FLNA: variants seen among roughly 807,000 people sequenced by gnomAD.
FLNA encodes filamin A, also known as filamin-A.
In FLNA, 7 loss-of-function variants were observed where a neutral mutation model predicts 157.6. The observed-to-expected ratio is 0.04, with a 90% CI of 0.03 to 0.08. The LOEUF (loss-of-function observed/expected upper bound fraction) is 0.08. Among genes scored for constraint, FLNA ranks in the 10% least tolerant of loss-of-function variants. The pLI is 1.00. For missense variants in FLNA, 1,750 were observed against 2,398.4 expected (o/e 0.73, Z 5.65); for synonymous variants, 1,103 against 1,060.8 (o/e 1.04, Z -0.77).
In FLNA at chrX:154,352,626, G is replaced by A; in HGVS notation, c.6429C>T (p.Ser2143=). ...KVTGEGRVKE[S]ITRRRRAPSV... is the part of the protein sequence containing the mutation. ...AAGGAGCCCGACGCCTGCGGGTGATGCTCTCTTTCACCCGGCCCTCGCCTG... is the reference window on the plus strand; with the variant it reads ...AAGGAGCCCGACGCCTGCGGGTGATACTCTCTTTCACCCGGCCCTCGCCTG... The change falls in exon 40 of 48, where the codon AGC becomes AGT. Residue 2143 remains serine (S), a synonymous_variant. Transcript: ENST00000369850. 1 of 1,211,437 alleles carries A rather than the reference G, an allele frequency of 8.3e-7. No individual in the cohort carries two copies. Among genetic ancestry groups the A allele is most frequent in the South Asian group, 1.8e-5 (1 of 57,052 alleles).
Position 154,357,275 on chromosome X carries a change from CTG to C in FLNA, c.4946-3_4946-2del. On this transcript the variant is annotated splice_acceptor_variant and splice_polypyrimidine_tract_variant and intron_variant, in intron 29 of 47. Coordinates refer to ENST00000369850, the MANE Select transcript of FLNA (RefSeq NM_001110556.2). LOFTEE classifies it high-confidence loss of function. ...CCTAGCCCGTGACCTCCGATTGACA[CTG>C]AGGTGAGAGGGCAGAGAGCAAGGAG... is the stretch of plus-strand genomic sequence containing the variant. 8.3e-7 allele frequency: 1 copy of C among 1,211,223 alleles called. No homozygotes were observed. The highest frequency in any genetic ancestry group is 1.1e-6 in the Non-Finnish European group (1 of 895,111).
chrX:154,357,691 C>CTGGGAGCG, intron 28 of FLNA, 68 bp from the exon 29 acceptor site: 2 of 963,243 alleles, frequency 2.1e-6, no homozygotes, highest in Non-Finnish European at 2.9e-6. Flanking sequence ...CTCAGGCGCT[C>CTGGGAGCG]CCAGAGTGCC....
At position 154,371,192 on chromosome X, in the gene FLNA, G is replaced by T; in HGVS notation, c.54C>A (p.Gly18=). 8.4e-7 allele frequency: 1 copy of T among 1,195,241 alleles called. No homozygotes were observed. Among genetic ancestry groups the T allele is most frequent in the East Asian group, 3.0e-5 (1 of 33,242 alleles). The change falls in exon 2 of 48, where the codon GGC becomes GGA. Residue 18 remains glycine (G), a synonymous_variant. Coordinates refer to ENST00000369850, the MANE Select transcript of FLNA (RefSeq NM_001110556.2). The part of the protein sequence containing the change: ...AGQSAAGAAP[G]GGVDTRDAEM... ...CGGCGTCCCGCGTGTCGACGCCGCC[G>T]CCCGGAGCCGCGCCTGCTGCGCTCT...
At chrX:154,357,334 C>T in intron 29 of FLNA, 60 bp from the exon 30 acceptor site, 1 of 1,189,413 alleles carries the variant, frequency 8.4e-7, no homozygotes, top group East Asian at 3.0e-5. Flanking sequence ...AGGGGGCGGC[C>T]CCCACTCCCA....
At chrX:154,351,537 C>T (rs201972698) in intron 43 of FLNA, 44 bp downstream of exon 43, 80 of 940,578 alleles carry the variant, frequency 8.5e-5, no homozygotes, top group Middle Eastern at 5.8e-4. Flanking sequence ...CTGGTCTGTC[C>T]GGGCCCAGGA....
In FLNA at chrX:154,367,980, C is replaced by T. The variant is rs2067775717; in HGVS notation, c.484G>A (p.Glu162Lys). The T allele has an allele frequency of 8.3e-7, 1 of 1,208,816 alleles. No individual in the cohort carries two copies. The highest frequency in any genetic ancestry group is 1.1e-6 in the Non-Finnish European group (1 of 894,397). ...MPMWDEEEDE[E>K]AKKQTPKQRL... ...TGCTTGGGGGTCTGCTTCTTGGCCT[C>T]CTCATCCTCCTCCTCGTCCCACATG... The change falls in exon 3 of 48, where the codon GAG (glutamate) becomes AAG (lysine). Residue 162 changes from glutamate (E) to lysine (K), a missense_variant. Physicochemically the swap from Glu to Lys is moderately conservative, Grantham distance 56 (BLOSUM62 1). This residue lies in a region of FLNA where 71 missense variants were observed against 239.5 expected (regional missense o/e 0.30). Coordinates refer to ENST00000369850, the MANE Select transcript of FLNA (RefSeq NM_001110556.2).
rs781984274 is a variant in FLNA, at chrX:154,352,225, C to T, written c.6725G>A (p.Arg2242Gln). The change falls in exon 41 of 48, where the codon CGA (arginine) becomes CAA (glutamine). Residue 2242 changes from arginine (R) to glutamine (Q), a missense_variant. This residue lies in a region of FLNA where 970 missense variants were observed against 1,302.6 expected (regional missense o/e 0.74). Transcript: ENST00000369850. Reference protein sequence around the residue: ...PLGEGGAHKVRAGGPGLERAE... With the variant: ...PLGEGGAHKVQAGGPGLERAE... ...TCTCTCCAGGCCAGGGCCCCCAGCT[C>T]GGACCTTGTGGGCTCCCCCTTCCCC... The T allele has an allele frequency of 5.0e-6, 6 of 1,210,093 alleles. No homozygotes were observed. The highest frequency in any genetic ancestry group is 2.4e-4 in the Middle Eastern group (1 of 4,217).
chrX:154,348,970 T>A lies in FLNA; in HGVS notation c.7823A>T (p.His2608Leu). ...RTPCEEILVKHVGSRLYSVSY... is the reference protein window; with the variant it reads ...RTPCEEILVKLVGSRLYSVSY... ...CACGCTGTAGAGCCGGCTGCCCACGTGCTTCACCAGGATCTCCTCGCAGGG... is the reference window on the plus strand; with the variant it reads ...CACGCTGTAGAGCCGGCTGCCCACGAGCTTCACCAGGATCTCCTCGCAGGG... The change falls in exon 48 of 48, where the codon CAC becomes CTC. Residue 2608 changes from histidine to leucine, a missense_variant. Physicochemically the swap from His to Leu is moderately conservative, Grantham distance 99 (BLOSUM62 -3). Coordinates refer to ENST00000369850, the MANE Select transcript of FLNA (RefSeq NM_001110556.2). The A allele has an allele frequency of 8.3e-7, 1 of 1,211,567 alleles. No homozygotes were observed. The highest frequency in any genetic ancestry group is 1.1e-6 in the Non-Finnish European group (1 of 895,362).
At chrX:154,368,112 C>T (rs781865414) in intron 2 of FLNA, 22 bp from the exon 3 acceptor site, 17 of 1,208,421 alleles carry the variant, frequency 1.4e-5, no homozygotes, top group African/African-American at 5.3e-5. Flanking sequence ...AGAGTGGCCA[C>T]GCTGGGCACA....
Position 154,362,161 on chromosome X carries a change from C to T in FLNA, c.2657-13G>A. 1 of 1,211,458 alleles carries T rather than the reference C, an allele frequency of 8.3e-7. No individual in the cohort carries two copies. The highest frequency in any genetic ancestry group is 1.1e-6 in the Non-Finnish European group (1 of 895,203). ...CCAAGCTCGACACCTGAGGAACACA[C>T]AGGGACCATGTAGGGGCACCCTGCC... On this transcript the variant is annotated splice_polypyrimidine_tract_variant and intron_variant, in intron 18 of 47. Transcript: ENST00000369850.
Position 154,361,311 on chromosome X carries a change from G to A in FLNA, c.3204C>T (p.Ser1068=). 8.3e-7 allele frequency: 1 copy of A among 1,209,557 alleles called. No homozygotes were observed. Among genetic ancestry groups the A allele is most frequent in the Non-Finnish European group, 1.1e-6 (1 of 895,130 alleles). Residue 1068 remains serine, a synonymous_variant, in exon 21 of 48, where the codon AGC becomes AGT. Transcript: ENST00000369850. ...GGGCCTCCCATACCCCAATTACCTT[G>A]CTAGGCTTGGTGGGGGCCACAGCTT... ...PLEAVAPTKP[S]KVKAFGPGLQ...
chrX:154,353,721 A>C lies in FLNA; in HGVS notation c.5693T>G (p.Leu1898Arg). ...VNTKDAGEGG[L>R]SLAIEGPSKA... ...GGACGGGCCCTCAATGGCCAGAGAC[A>C]GGCCCCCTGGAGAGAGCCGTGGGTG... The change falls in exon 36 of 48, where the codon CTG becomes CGG. Residue 1898 changes from leucine (L) to arginine (R), a missense_variant. This residue lies in a region of FLNA where 970 missense variants were observed against 1,302.6 expected (regional missense o/e 0.74). Coordinates refer to ENST00000369850, the MANE Select transcript of FLNA (RefSeq NM_001110556.2). 1.7e-6 allele frequency: 2 copies of C among 1,209,376 alleles called. No individual in the cohort carries two copies. Among genetic ancestry groups the C allele is most frequent in the Non-Finnish European group, 2.2e-6 (2 of 894,149 alleles).
Position 154,359,885 on chromosome X carries a change from T to C in FLNA, c.3826A>G (p.Thr1276Ala), listed in dbSNP as rs782428187. 1.7e-6 allele frequency: 2 copies of C among 1,209,195 alleles called. No homozygotes were observed. Among genetic ancestry groups the C allele is most frequent in the Non-Finnish European group, 2.2e-6 (2 of 894,985 alleles). ...GCCCGGGCGTCCACACTGAACTCAG[T>C]GGTGGCCTCACGGAAGACACCTGCA... The part of the protein sequence containing the change: ...EGQGVFREAT[T>A]EFSVDARALT... Residue 1276 changes from threonine to alanine, a missense_variant, in exon 23 of 48, where the codon ACT (threonine) becomes GCT (alanine). Physicochemically the swap from Thr to Ala is moderately conservative, Grantham distance 58. Coordinates refer to ENST00000369850, the MANE Select transcript of FLNA (RefSeq NM_001110556.2).
intron 25 of FLNA, 30 bp from the exon 26 acceptor site, chrX:154,359,184 G>A (rs1557177428): frequency 2.5e-6 from 3 of 1,209,810 alleles, no homozygotes; most frequent in South Asian, 3.5e-5. Context: ...GATGGCGGCT[G>A]TATGAGACAG....
chrX:154,356,514 T>G (rs2067664134), intron 30 of FLNA, among the ~76,000 whole-genome samples: 1 of 111,785 alleles, frequency 8.9e-6, no homozygotes, highest in African/African-American at 3.3e-5. Context: ...CTAGCCACCC[T>G]CTCACCCTTT....
chrX:154,352,082 C>T (rs1181402133), intron 41 of FLNA, 61 bp from the exon 42 acceptor site: 1 of 1,208,108 alleles, frequency 8.3e-7, no homozygotes, highest in African/African-American at 1.7e-5. Context: ...CCCCTCCAGG[C>T]ATAGCCAAGG....
At chrX:154,368,539 T>C (rs1445339567) in intron 2 of FLNA, among the ~76,000 whole-genome samples, 1 of 108,102 alleles carries the variant, frequency 9.3e-6, no homozygotes, top group African/African-American at 3.4e-5. Flanking sequence ...TGACCTGGAG[T>C]GGGGCTGGGG....
intron 21 of FLNA, 48 bp from the exon 22 acceptor site, chrX:154,360,635 C>G (rs1557177824): frequency 1.6e-5 from 17 of 1,085,107 alleles, no homozygotes; most frequent in Non-Finnish European, 2.1e-5. Context: ...TGCCCCGATC[C>G]CAGACCTCCT....
chrX:154,355,637 G>A (rs1557176751), intron 30 of FLNA, among the ~76,000 whole-genome samples: 2 of 113,327 alleles, frequency 1.8e-5, no homozygotes, highest in Non-Finnish European at 3.7e-5. Flanking sequence ...TGGGAGCGGG[G>A]AAGCGGGAGG....
Sources: allele counts gnomAD v4.1 joint callset (sites outside exome capture counted in the v4.1 genomes callset), GRCh38; gene constraint gnomAD v4.1.1; regional missense constraint gnomAD v4.1.1; transcripts MANE v1.5; gene names NCBI Gene and HGNC (gene_info 2026-07-23, HGNC 2026-07-21).